The following FAM135A variants were observed in gnomAD, a reference collection of about 807,000 sequenced individuals.
The protein encoded by FAM135A is family with sequence similarity 135 member A, also known as protein FAM135A.
A neutral mutation model predicts 146.8 loss-of-function variants in FAM135A; 79 were observed. That is an observed-to-expected ratio of 0.54 (90% confidence interval 0.45 to 0.65). The LOEUF is 0.65. FAM135A is among the 30% of genes least tolerant of loss of function. FAM135A has a pLI of 0.00. For missense variants in FAM135A, 1,623 were observed against 1,758.2 expected (o/e 0.92, Z 1.38); for synonymous variants, 562 against 603.6 (o/e 0.93, Z 1.01).
chr6:70,507,718 C>A (rs950803735), intron 12 of FAM135A, among the ~76,000 whole-genome samples: 2 of 152,082 alleles, frequency 1.3e-5, no homozygotes, highest in Non-Finnish European at 2.9e-5. Context: ...CGTACACATT[C>A]ATGCTACATC....
chr6:70,464,250 A>G (rs1385630078), intron 5 of FAM135A, among the ~76,000 whole-genome samples: 1 of 152,250 alleles, frequency 6.6e-6, no homozygotes, highest in Non-Finnish European at 1.5e-5. Context: ...AATTATCTCA[A>G]GTCTTTAAAA....
At chr6:70,531,228 C>T (rs1024352988) in intron 16 of FAM135A, among the ~76,000 whole-genome samples, 11 of 152,294 alleles carry the variant, frequency 7.2e-5, no homozygotes, top group Admixed American at 7.2e-4. Context: ...AGTCAAGAAG[C>T]AAAATGCCTT....
intron 12 of FAM135A, among the ~76,000 whole-genome samples, chr6:70,516,516 T>C (rs1435964255): frequency 4.7e-5 from 7 of 149,964 alleles, no homozygotes; most frequent in Non-Finnish European, 5.9e-5. Context: ...TATCATAAAA[T>C]AGTATTTTCT....
chr6:70,508,190 A>G (rs1790225000), intron 12 of FAM135A, among the ~76,000 whole-genome samples: 1 of 152,170 alleles, frequency 6.6e-6, no homozygotes, highest in African/African-American at 2.4e-5. Flanking sequence ...CTGTAAGTGG[A>G]CCTGTTCTTT....
chr6:70,477,629 A>G (rs1255769766), intron 8 of FAM135A, among the ~76,000 whole-genome samples: 1 of 152,158 alleles, frequency 6.6e-6, no homozygotes, highest in African/African-American at 2.4e-5. Context: ...ACTCACTATC[A>G]TGAGGACAGT....
intron 4 of FAM135A, among the ~76,000 whole-genome samples, chr6:70,436,064 G>C (rs1209836595): frequency 1.3e-5 from 2 of 151,964 alleles, no homozygotes; most frequent in Non-Finnish European, 2.9e-5. Context: ...GGTGCCTGCA[G>C]TCCCAACTAC....
At chr6:70,546,507 G>C (rs903013722) in intron 20 of FAM135A, among the ~76,000 whole-genome samples, 1 of 152,122 alleles carries the variant, frequency 6.6e-6, no homozygotes, top group Non-Finnish European at 1.5e-5. Flanking sequence ...CATATCATTA[G>C]TTAATAGCTT....
rs1013568964 is a variant in FAM135A at position 70,559,971 on chromosome 6, C to T, written c.*50C>T. ...ACAATTACCTCATTCAACAATGTTTCAAATAATGTATTATATTAAAATGTA... is the reference window on the plus strand; with the variant it reads ...ACAATTACCTCATTCAACAATGTTTTAAATAATGTATTATATTAAAATGTA... On this transcript the variant is annotated 3_prime_UTR_variant, in exon 22 of 22. Transcript: ENST00000418814. 5 of 1,371,578 alleles carry T rather than the reference C, an allele frequency of 3.6e-6. No homozygotes were observed. In the African/African-American group the frequency reaches 5.8e-5, roughly 16 times the overall value. The allele number at this position is 1,371,578 out of a possible 1,614,324, so 85.0% of individuals were successfully genotyped here. A position where few individuals can be genotyped will look rare whatever the true frequency, so the allele number is the denominator to read the frequency against.
At chr6:70,502,475 A>C (rs549487781) in intron 11 of FAM135A, among the ~76,000 whole-genome samples, 161 bp from the exon 12 acceptor site, 2 of 152,048 alleles carry the variant, frequency 1.3e-5, no homozygotes, top group Non-Finnish European at 2.9e-5. Flanking sequence ...AACCATTGTT[A>C]ATTGGTCTTT....
rs1582748196 is a variant in FAM135A, at chr6:70,524,520, C to A, written c.1436C>A (p.Ser479Tyr). 2 of 1,551,132 alleles carry A rather than the reference C, an allele frequency of 1.3e-6. No homozygotes were observed. Among genetic ancestry groups the A allele is most frequent in the Non-Finnish European group, 1.7e-6 (2 of 1,146,724 alleles). ...GAAGGTGAAAAGCAGCTAACAAAATCTCTAAAAGGAAAGAATGAAGAATCA... is the reference window on the plus strand; with the variant it reads ...GAAGGTGAAAAGCAGCTAACAAAATATCTAAAAGGAAAGAATGAAGAATCA... Reference protein sequence around the residue: ...YTEGEKQLTKSLKGKNEESNK... With the variant: ...YTEGEKQLTKYLKGKNEESNK... The change falls in exon 15 of 22, where the codon TCT becomes TAT. Residue 479 changes from serine (S) to tyrosine (Y), a missense_variant. Ser to Tyr is a moderately radical substitution (Grantham distance 144, BLOSUM62 -2). Transcript: ENST00000418814.
Position 70,528,429 on chromosome 6 carries a change from TTGTC to T in FAM135A, c.3756_3759del (p.Val1254ThrfsTer3). The T allele has an allele frequency of 6.2e-7, 1 of 1,610,872 alleles. No individual in the cohort carries two copies. Among genetic ancestry groups the T allele is most frequent in the Non-Finnish European group, 8.5e-7 (1 of 1,178,822 alleles). ...GGTTCTGAAGATGGAGTACATCTGA[TTGTC>T]TGTGTGCACGGTTTAGATGGTATGT... On this transcript the variant is annotated frameshift_variant, in exon 16 of 22. Coordinates refer to ENST00000418814, the MANE Select transcript of FAM135A (RefSeq NM_001162529.3). LOFTEE classifies it high-confidence loss of function.
intron 4 of FAM135A, among the ~76,000 whole-genome samples, chr6:70,438,222 A>G (rs565514720): frequency 6.6e-6 from 1 of 152,336 alleles, no homozygotes; most frequent in East Asian, 1.9e-4. Context: ...TGCAGGATTT[A>G]AGTCCAATAA....
At chr6:70,558,286 G>A (rs1178517554) in intron 21 of FAM135A, among the ~76,000 whole-genome samples, 1 of 151,974 alleles carries the variant, frequency 6.6e-6, no homozygotes, top group Non-Finnish European at 1.5e-5. Context: ...TTCCCTTCTT[G>A]TCATTCCTCA....
chr6:70,431,863 G>T (rs9455101), intron 4 of FAM135A, among the ~76,000 whole-genome samples: 30,671 of 151,858 alleles, frequency 0.2, 3,393 homozygotes, highest in African/African-American at 0.29. Context: ...TTATAAAATA[G>T]TTTTCAAATA....
intron 18 of FAM135A, among the ~76,000 whole-genome samples, chr6:70,534,560 C>T (rs770372323): frequency 1.3e-5 from 2 of 152,004 alleles, no homozygotes; most frequent in Non-Finnish European, 2.9e-5. Context: ...GATCCTCTCA[C>T]CTTGGCCTCC....
intron 20 of FAM135A, among the ~76,000 whole-genome samples, chr6:70,542,610 T>G (rs1315740559): frequency 6.6e-6 from 1 of 152,216 alleles, no homozygotes; most frequent in Non-Finnish European, 1.5e-5. Flanking sequence ...CATAGCTCAC[T>G]GCAGCCTTGA....
chr6:70,424,389 CTA>C (rs1769558160), intron 2 of FAM135A, among the ~76,000 whole-genome samples: 1 of 152,240 alleles, frequency 6.6e-6, no homozygotes. Flanking sequence ...GTGCCAGTAA[CTA>C]CACCAAAGTT....
chr6:70,526,173 G>T lies in FAM135A; in HGVS notation c.3089G>T (p.Ser1030Ile), dbSNP rs1162208824. 6.2e-7 allele frequency: 1 copy of T among 1,613,352 alleles called. No individual in the cohort carries two copies. Among genetic ancestry groups the T allele is most frequent in the Admixed American group, 1.7e-5 (1 of 59,954 alleles). Reference protein sequence around the residue: ...HLGTSDPFSASTDIVKQGLVE... With the variant: ...HLGTSDPFSAITDIVKQGLVE... The stretch of plus-strand genomic sequence containing the variant: ...GGTACAAGTGATCCTTTTTCAGCCA[G>T]TACTGATATAGTAAAGCAAGGGCTT... The change falls in exon 15 of 22, where the codon AGT becomes ATT. Residue 1030 changes from serine to isoleucine, a missense_variant. This residue lies in a region of FAM135A where 1,061 missense variants were observed against 1,113.8 expected (regional missense o/e 0.95). Transcript: ENST00000418814.
rs371908419 is a variant in FAM135A, at chr6:70,536,317, G to T, written c.4023G>T (p.Arg1341Ser). The T allele has an allele frequency of 3.1e-6, 5 of 1,613,210 alleles. No homozygotes were observed. The highest frequency in any genetic ancestry group is 2.7e-5 in the African/African-American group (2 of 74,852). ...TTCGTTCAGTGCTTACAAGGCCAAGGTTTAAATATTACCTCAACAAACTTC... is the reference window on the plus strand; with the variant it reads ...TTCGTTCAGTGCTTACAAGGCCAAGTTTTAAATATTACCTCAACAAACTTC... ...LIIRSVLTRPRFKYYLNKLHT... is the reference protein window; with the variant it reads ...LIIRSVLTRPSFKYYLNKLHT... The change falls in exon 19 of 22, where the codon AGG becomes AGT. Residue 1341 changes from arginine (R) to serine (S), a missense_variant. By Grantham distance (110) the Arg-to-Ser change is moderately radical (BLOSUM62 -1). Coordinates refer to ENST00000418814, the MANE Select transcript of FAM135A (RefSeq NM_001162529.3).
Sources: allele counts gnomAD v4.1 joint callset (sites outside exome capture counted in the v4.1 genomes callset), GRCh38; gene constraint gnomAD v4.1.1; regional missense constraint gnomAD v4.1.1; transcripts MANE v1.5; gene names NCBI Gene and HGNC (gene_info 2026-07-23, HGNC 2026-07-21).